Variants in CUBN observed in about 807,000 individuals in gnomAD.
The protein encoded by CUBN is cubilin.
Under a neutral mutation model 405.3 loss-of-function variants are expected in CUBN, and 282 were observed. The observed-to-expected ratio is 0.70, with a 90% CI of 0.63 to 0.77. The LOEUF is 0.77. Ranked by LOEUF, CUBN falls within the 30% of genes least tolerant of loss-of-function variation. CUBN has a pLI of 0.00. For missense variants in CUBN, 4,514 were observed against 4,475.2 expected (o/e 1.01, Z -0.25); for synonymous variants, 1,684 against 1,617.0 (o/e 1.04, Z -0.99).
chr10:17,117,587 G>A (rs1326152578), intron 6 of CUBN, among the ~76,000 whole-genome samples: 2 of 151,944 alleles, frequency 1.3e-5, no homozygotes, highest in African/African-American at 4.8e-5. Flanking sequence ...ACCATGTGGT[G>A]AAACCAATTG....
intron 29 of CUBN, among the ~76,000 whole-genome samples, chr10:16,987,300 T>C (rs1028204190): frequency 9.2e-5 from 14 of 152,222 alleles, no homozygotes; most frequent in Admixed American, 2.6e-4. Context: ...AGGGCATGGT[T>C]CATTCAACTA....
chr10:17,119,550 C>T (rs1451382293), intron 6 of CUBN, among the ~76,000 whole-genome samples: 1 of 152,148 alleles, frequency 6.6e-6, no homozygotes, highest in Non-Finnish European at 1.5e-5. Flanking sequence ...ATCCCAGCTA[C>T]TCGGGAGGCT....
At chr10:16,950,643 A>G (rs997787869) in intron 33 of CUBN, among the ~76,000 whole-genome samples, 1 of 152,204 alleles carries the variant, frequency 6.6e-6, no homozygotes, top group African/African-American at 2.4e-5. Context: ...TCCTTTGAAG[A>G]GTAATAGAAT....
intron 57 of CUBN, 84 bp downstream of exon 57, chr10:16,876,813 G>T: frequency 8.8e-7 from 1 of 1,139,098 alleles, no homozygotes; most frequent in Non-Finnish European, 1.3e-6. Context: ...TCAAGTTAGT[G>T]CTGTATGAAT....
At chr10:16,919,152 C>T (rs1279141327) in intron 44 of CUBN, among the ~76,000 whole-genome samples, 1 of 152,204 alleles carries the variant, frequency 6.6e-6, no homozygotes, top group Non-Finnish European at 1.5e-5. Context: ...TGACTTGATA[C>T]ATTTCACAGG....
chr10:16,983,313 A>G (rs191784693), intron 30 of CUBN, among the ~76,000 whole-genome samples: 2 of 152,194 alleles, frequency 1.3e-5, no homozygotes, highest in Admixed American at 1.3e-4. Context: ...TACATAATTA[A>G]CTTTAGGGGA....
intron 40 of CUBN, among the ~76,000 whole-genome samples, chr10:16,931,236 C>A (rs1395018863): frequency 2.0e-5 from 3 of 151,456 alleles, no homozygotes. Context: ...TGCAGTCCGG[C>A]CTGGACAAAA....
chr10:17,076,220 A>G (rs1417730276), intron 17 of CUBN, among the ~76,000 whole-genome samples: 1 of 152,084 alleles, frequency 6.6e-6, no homozygotes, highest in African/African-American at 2.4e-5. Flanking sequence ...TTTTAAGAGG[A>G]ACTCATAGGG....
intron 19 of CUBN, 146 bp from the exon 20 acceptor site, chr10:17,068,916 A>G: frequency 1.4e-6 from 1 of 690,406 alleles, no homozygotes; most frequent in Non-Finnish European, 2.5e-6. Context: ...CACCCCCCAA[A>G]AAACACTCAT....
intron 19 of CUBN, among the ~76,000 whole-genome samples, chr10:17,069,898 TTC>T (rs2131846919): frequency 6.6e-6 from 1 of 152,328 alleles, no homozygotes; most frequent in Non-Finnish European, 1.5e-5. Context: ...GAAGTTATTT[TTC>T]TTTTTTCTTT....
chr10:17,018,271 T>A lies in CUBN; in HGVS notation c.4168+1562A>T, dbSNP rs191656825. On this transcript the variant is annotated intron_variant, in intron 28 of 66. Transcript: ENST00000377833. ...AAAGGGGTCCAGTGGTACTCACCGC[T>A]TGGTGATTGTCCCATCTGGGTCACC... Among the ~76,000 whole-genome samples, 427 of 152,296 alleles carry A rather than the reference T, an allele frequency of 2.8e-3. 3 individuals carry two copies. The highest frequency in any genetic ancestry group is 9.7e-3 in the African/African-American group (402 of 41,564).
At chr10:16,995,919 G>A (rs577628658) in intron 28 of CUBN, among the ~76,000 whole-genome samples, 1 of 152,146 alleles carries the variant, frequency 6.6e-6, no homozygotes, top group Non-Finnish European at 1.5e-5. Flanking sequence ...GCCCATTGTA[G>A]AGGTGAGCAA....
At chr10:16,830,005 G>A (rs751948990) in intron 65 of CUBN, among the ~76,000 whole-genome samples, 4 of 151,324 alleles carry the variant, frequency 2.6e-5, no homozygotes, top group Admixed American at 6.6e-5. Flanking sequence ...GCGTGATCTC[G>A]GCTCACTACA....
intron 55 of CUBN, among the ~76,000 whole-genome samples, chr10:16,889,935 CAAAAAA>C (rs1554788544): frequency 5.0e-5 from 1 of 19,902 alleles, no homozygotes; most frequent in Non-Finnish European, 1.0e-4. Context: ...GACGCCGTGT[CAAAAAA>C]AAAAAAAAAA....
intron 15 of CUBN, among the ~76,000 whole-genome samples, chr10:17,087,472 C>CGTTTTT (rs1836141915): frequency 1.4e-5 from 1 of 71,712 alleles, no homozygotes; most frequent in Non-Finnish European, 2.6e-5. Context: ...TTTTCTTTTT[C>CGTTTTT]TTTTTTTTTT....
intron 60 of CUBN, among the ~76,000 whole-genome samples, chr10:16,841,859 G>A (rs1839359408): frequency 6.9e-6 from 1 of 144,876 alleles, no homozygotes; most frequent in Non-Finnish European, 1.5e-5. Context: ...GTTACAGTGA[G>A]CTGAGATGGT....
At chr10:17,123,719 T>A in intron 4 of CUBN, 30 bp from the exon 5 acceptor site, 1 of 1,517,718 alleles carries the variant, frequency 6.6e-7, no homozygotes, top group Non-Finnish European at 9.1e-7. Flanking sequence ...GTCAATGAGA[T>A]GACTTGCAGT....
chr10:16,973,697 T>C (rs1032304267), intron 31 of CUBN, among the ~76,000 whole-genome samples: 6 of 152,306 alleles, frequency 3.9e-5, no homozygotes, highest in Admixed American at 2.0e-4. Flanking sequence ...TGTGTCCATA[T>C]GTACTCAGTG....
chr10:16,884,032 G>T (rs918063546), intron 56 of CUBN, among the ~76,000 whole-genome samples: 1 of 151,902 alleles, frequency 6.6e-6, no homozygotes, highest in South Asian at 2.1e-4. Context: ...CAGGCTGGAG[G>T]GCAGTAGCGC....
Sources: gnomAD v4.1 joint callset for allele counts (sites outside exome capture counted in the v4.1 genomes callset) on GRCh38, gnomAD v4.1.1 for gene constraint, MANE v1.5 for transcripts, NCBI Gene and HGNC (gene_info 2026-07-23, HGNC 2026-07-21) for gene names.